GRIN2A: variants seen among roughly 807,000 people sequenced by gnomAD.
The protein encoded by GRIN2A is glutamate ionotropic receptor NMDA type subunit 2A.
In GRIN2A, 22 loss-of-function variants were observed where a neutral mutation model predicts 113.4. That is an observed-to-expected ratio of 0.19 (90% CI 0.14 to 0.28). GRIN2A has a LOEUF of 0.28. Ranked by LOEUF, GRIN2A falls within the 10% of genes least tolerant of loss-of-function variation. GRIN2A has a pLI of 1.00. For missense variants in GRIN2A, 1,502 were observed against 1,887.0 expected, an observed-to-expected ratio of 0.80 and a Z score of 3.78; for synonymous variants, 827 against 738.4, an observed-to-expected ratio of 1.12 and a Z score of -1.94.
chr16:10,118,858 AG>A (rs1187517298), intron 2 of GRIN2A, among the ~76,000 whole-genome samples: 1 of 152,252 alleles, frequency 6.6e-6, no homozygotes, highest in Non-Finnish European at 1.5e-5. Flanking sequence ...AATCATCAGT[AG>A]TCCAATTGTC....
chr16:10,015,022 G>C (rs2046576347), intron 2 of GRIN2A, among the ~76,000 whole-genome samples: 1 of 152,018 alleles, frequency 6.6e-6, no homozygotes, highest in South Asian at 2.1e-4. Flanking sequence ...GGGAGGCCAA[G>C]GTGGGCAGAT....
intron 11 of GRIN2A, among the ~76,000 whole-genome samples, chr16:9,780,069 A>G (rs767434875): frequency 1.3e-5 from 2 of 152,224 alleles, no homozygotes; most frequent in Non-Finnish European, 1.5e-5. Context: ...ACTGATGAAG[A>G]CACCTAGAGT....
intron 3 of GRIN2A, among the ~76,000 whole-genome samples, chr16:9,894,192 G>A (rs888694138): frequency 3.3e-5 from 5 of 152,254 alleles, no homozygotes; most frequent in Admixed American, 6.5e-5. Context: ...AGTAGGAAAC[G>A]GCTTAGTAAG....
intron 2 of GRIN2A, among the ~76,000 whole-genome samples, chr16:10,085,511 G>A (rs1291141465): frequency 6.6e-6 from 1 of 152,188 alleles, no homozygotes; most frequent in Non-Finnish European, 1.5e-5. Context: ...CACTCAGTGT[G>A]CAGCCCCCGT....
At chr16:9,787,732 G>A (rs892734848) in intron 11 of GRIN2A, among the ~76,000 whole-genome samples, 6 of 152,202 alleles carry the variant, frequency 3.9e-5, no homozygotes, top group Admixed American at 3.9e-4. Flanking sequence ...TAACAATCAT[G>A]GTAGCTGTTG....
intron 2 of GRIN2A, among the ~76,000 whole-genome samples, chr16:10,018,757 G>T (rs1379523829): frequency 6.6e-6 from 1 of 152,126 alleles, no homozygotes; most frequent in African/African-American, 2.4e-5. Context: ...AGATGAGCAG[G>T]AAAGAAAACT....
At chr16:9,974,540 C>G (rs375806600) in intron 2 of GRIN2A, among the ~76,000 whole-genome samples, 2 of 152,150 alleles carry the variant, frequency 1.3e-5, no homozygotes, top group Admixed American at 6.5e-5. Flanking sequence ...ATTGCTCAGT[C>G]GGGGAGCTCA....
intron 2 of GRIN2A, among the ~76,000 whole-genome samples, chr16:10,076,405 C>T (rs1364453964): frequency 5.3e-5 from 8 of 152,148 alleles, no homozygotes; most frequent in Admixed American, 6.5e-5. Context: ...TCCAGAGTGG[C>T]GACGGTGGGG....
At chr16:10,014,987 C>G (rs530602657) in intron 2 of GRIN2A, among the ~76,000 whole-genome samples, 8 of 152,048 alleles carry the variant, frequency 5.3e-5, no homozygotes, top group Non-Finnish European at 7.4e-5. Flanking sequence ...GGTGTGGTGG[C>G]TCATGCCTGT....
At chr16:10,070,812 G>T (rs554678818) in intron 2 of GRIN2A, among the ~76,000 whole-genome samples, 1 of 152,308 alleles carries the variant, frequency 6.6e-6, no homozygotes, top group African/African-American at 2.4e-5. Context: ...AGACCATCTG[G>T]ACCGCTTATA....
At chr16:10,166,291 A>T (rs1270303954) in intron 2 of GRIN2A, among the ~76,000 whole-genome samples, 1 of 152,206 alleles carries the variant, frequency 6.6e-6, no homozygotes, top group Non-Finnish European at 1.5e-5. Flanking sequence ...TCAATGTTTG[A>T]TGGTAAGAAA....
At chr16:10,069,311 T>A (rs2047708212) in intron 2 of GRIN2A, among the ~76,000 whole-genome samples, 1 of 152,130 alleles carries the variant, frequency 6.6e-6, no homozygotes, top group Non-Finnish European at 1.5e-5. Context: ...CTGGTGGGGA[T>A]GAGAGAAAGA....
chr16:9,857,038 T>C (rs1415487103), intron 4 of GRIN2A, among the ~76,000 whole-genome samples: 1 of 152,222 alleles, frequency 6.6e-6, no homozygotes. Context: ...ACCTGTGTCG[T>C]CTTATAACCT....
chr16:10,177,713 T>G (rs900944332), intron 2 of GRIN2A, among the ~76,000 whole-genome samples: 1 of 152,200 alleles, frequency 6.6e-6, no homozygotes, highest in African/African-American at 2.4e-5. Flanking sequence ...CCATACTCCC[T>G]GGACTTCTCA....
intron 4 of GRIN2A, among the ~76,000 whole-genome samples, chr16:9,878,865 A>G (rs1178028138): frequency 6.6e-6 from 1 of 152,046 alleles, no homozygotes; most frequent in African/African-American, 2.4e-5. Context: ...ACACACACAC[A>G]CACACACACA....
At chr16:10,004,832 C>T (rs2046378286) in intron 2 of GRIN2A, among the ~76,000 whole-genome samples, 1 of 152,090 alleles carries the variant, frequency 6.6e-6, no homozygotes. Flanking sequence ...GGCAAAGCCC[C>T]TTTTGTCATG....
At chr16:10,097,285 T>C (rs1417228191) in intron 2 of GRIN2A, among the ~76,000 whole-genome samples, 1 of 152,246 alleles carries the variant, frequency 6.6e-6, no homozygotes, top group African/African-American at 2.4e-5. Context: ...AAAATAAATG[T>C]GCTTAAATTA....
rs567246824 is a variant in GRIN2A, at chr16:9,773,342, G to A, written c.2357-4253C>T. On this transcript the variant is annotated intron_variant, in intron 11 of 12. Transcript: ENST00000330684. The stretch of plus-strand genomic sequence containing the variant: ...TTGAGAGTAAAAGGCTGGGAAATGT[G>A]CATCCTTTAGGTAGGGTGAAGCATC... Among the ~76,000 whole-genome samples the A allele has an allele frequency of 5.9e-5, 9 of 152,298 alleles. No individual in the cohort carries two copies. The East Asian group carries it at 1.7e-3, about 29-fold the overall frequency.
At chr16:9,767,338 A>G (rs917036298) in intron 12 of GRIN2A, among the ~76,000 whole-genome samples, 4 of 152,352 alleles carry the variant, frequency 2.6e-5, no homozygotes, top group African/African-American at 9.6e-5. Flanking sequence ...GAATATACAA[A>G]TCTGTTTTAA....
Sources: gnomAD v4.1 joint callset for allele counts (sites outside exome capture counted in the v4.1 genomes callset) on GRCh38, gnomAD v4.1.1 for gene constraint, MANE v1.5 for transcripts, NCBI Gene and HGNC (gene_info 2026-07-23, HGNC 2026-07-21) for gene names.